POGZ: variants seen among roughly 807,000 people sequenced by gnomAD.
POGZ encodes the protein pogo transposable element with ZNF domain.
In POGZ, 17 loss-of-function variants were observed where a neutral mutation model predicts 134.6. That is an observed-to-expected ratio of 0.13 (90% CI 0.09 to 0.19). The LOEUF (loss-of-function observed/expected upper bound fraction) is 0.19. POGZ is among the 10% of genes least tolerant of loss of function. The probability of loss-of-function intolerance (pLI) is 1.00; values close to 1 mark genes in which losing one functional copy is unlikely to be tolerated. For synonymous variants in POGZ, 693 were observed against 657.1 expected (o/e 1.05, Z -0.84); for missense variants, 1,306 against 1,769.7 (o/e 0.74, Z 4.70).
intron 10 of POGZ, among the ~76,000 whole-genome samples, chr1:151,423,087 A>G (rs1371439511): frequency 2.0e-5 from 3 of 152,224 alleles, no homozygotes; most frequent in Non-Finnish European, 4.4e-5. Context: ...GAGCAAATAG[A>G]TGACTGTTCC....
chr1:151,452,641 G>A (rs574318969), intron 1 of POGZ, among the ~76,000 whole-genome samples: 2 of 151,996 alleles, frequency 1.3e-5, no homozygotes, highest in African/African-American at 4.8e-5. Flanking sequence ...CAATGCAGGC[G>A]GATCACAAGG....
At position 151,404,998 on chromosome 1, in the gene POGZ, T is replaced by C; in HGVS notation, c.4037A>G (p.Gln1346Arg). 1 of 1,614,188 alleles carries C rather than the reference T, an allele frequency of 6.2e-7. No individual in the cohort carries two copies. The change falls in exon 19 of 19, where the codon CAG becomes CGG. Residue 1346 changes from glutamine (Q) to arginine (R), a missense_variant. Transcript: ENST00000271715. ...CTCTAGGGAGGCAATTAGCTCCTCC[T>C]GCATGTCAGCATTTCTTGTAGGTGA... ...INSPTRNADM[Q>R]EELIASLEEQ...
chr1:151,442,443 C>T (rs1660679800), intron 1 of POGZ: 1 of 334,912 alleles, frequency 3.0e-6, no homozygotes, highest in Non-Finnish European at 5.4e-6. Flanking sequence ...GGCATGGTGG[C>T]TCCCACCTGT....
At chr1:151,421,246 T>C (rs976615596) in intron 10 of POGZ, among the ~76,000 whole-genome samples, 4 of 152,026 alleles carry the variant, frequency 2.6e-5, no homozygotes, top group Admixed American at 6.6e-5. Flanking sequence ...TCATGAAGCT[T>C]GCATATTTCT....
At chr1:151,449,079 CAAG>C (rs1272857584) in intron 1 of POGZ, among the ~76,000 whole-genome samples, 1 of 152,150 alleles carries the variant, frequency 6.6e-6, no homozygotes, top group Non-Finnish European at 1.5e-5. Context: ...ACTTTCAAAA[CAAG>C]AGCTCATTTC....
intron 1 of POGZ, among the ~76,000 whole-genome samples, chr1:151,452,416 T>C (rs947628045): frequency 6.6e-6 from 1 of 151,524 alleles, no homozygotes; most frequent in African/African-American, 2.4e-5. Flanking sequence ...AGTGGCACAA[T>C]CACGGCTTAT....
chr1:151,423,359 G>C, intron 10 of POGZ, 38 bp downstream of exon 10: 31 of 1,575,402 alleles, frequency 2.0e-5, no homozygotes, highest in Non-Finnish European at 2.6e-5. Flanking sequence ...TGAACAGCAA[G>C]GTATATTCCC....
intron 1 of POGZ, chr1:151,454,826 T>C (rs1190877758): frequency 6.6e-6 from 1 of 152,254 alleles, no homozygotes; most frequent in African/African-American, 2.4e-5. Flanking sequence ...AATACGTTTT[T>C]CAGTTGGGCG....
At chr1:151,448,499 A>C (rs531949378) in intron 1 of POGZ, among the ~76,000 whole-genome samples, 2 of 152,284 alleles carry the variant, frequency 1.3e-5, no homozygotes, top group African/African-American at 4.8e-5. Context: ...GAAAAATATA[A>C]TCAAACAATC....
chr1:151,436,637 C>T (rs998776606), intron 3 of POGZ, among the ~76,000 whole-genome samples: 36 of 152,050 alleles, frequency 2.4e-4, no homozygotes, highest in African/African-American at 8.0e-4. Context: ...TCTTTCTCAG[C>T]ATTATGTTTT....
rs144619106 is a variant in POGZ at position 151,444,066 on chromosome 1, A to C, written c.-1-1861T>G. On this transcript the variant is annotated intron_variant, in intron 1 of 18. Transcript: ENST00000271715. ...ATTGTTTCGCTTGAAAATTGAAAAC[A>C]ATCTTGCAGTGCCCCAGTGAGTCAG... Among the ~76,000 whole-genome samples, 51 of 152,324 alleles carry C rather than the reference A, an allele frequency of 3.3e-4. 1 individual carries two copies. The East Asian group carries it at 9.6e-3, about 29-fold the overall frequency.
At chr1:151,445,514 C>G (rs1049458192) in intron 1 of POGZ, among the ~76,000 whole-genome samples, 1 of 133,968 alleles carries the variant, frequency 7.5e-6, no homozygotes, top group African/African-American at 2.9e-5. Context: ...AGAAGCCAGA[C>G]TCTGTCTCAA....
intron 18 of POGZ, 67 bp downstream of exon 18, chr1:151,406,540 A>C (rs1231177563): frequency 6.5e-7 from 1 of 1,536,358 alleles, no homozygotes; most frequent in African/African-American, 1.4e-5. Context: ...TATGATAATA[A>C]TAATAATAAT....
At chr1:151,415,935 C>T (rs964998813) in intron 10 of POGZ, among the ~76,000 whole-genome samples, 2 of 151,872 alleles carry the variant, frequency 1.3e-5, no homozygotes, top group South Asian at 2.1e-4. Flanking sequence ...GAATCAGGGC[C>T]GGGTGCACTG....
intron 10 of POGZ, among the ~76,000 whole-genome samples, chr1:151,422,596 CTT>C (rs950972860): frequency 6.8e-6 from 1 of 147,502 alleles, no homozygotes. Context: ...ATAATATTAT[CTT>C]TTTTTTTTTG....
chr1:151,414,775 T>G (rs1172332462), intron 10 of POGZ, among the ~76,000 whole-genome samples: 1 of 151,462 alleles, frequency 6.6e-6, no homozygotes, highest in African/African-American at 2.4e-5. Flanking sequence ...AGAGCGAAAC[T>G]CCCTCAAAAA....
At position 151,404,484 on chromosome 1, in the gene POGZ, CT is replaced by C. The variant is rs1557860834; in HGVS notation, c.*317del. On this transcript the variant is annotated 3_prime_UTR_variant, in exon 19 of 19. Transcript: ENST00000271715. ...CATTTGCCCACAAATAATTTTTTTT[CT>C]TTTTCTTAATTTTGTCAGAAAAATA... 3 of 1,030,966 alleles carry C rather than the reference CT, an allele frequency of 2.9e-6. No individual in the cohort carries two copies. The highest frequency in any genetic ancestry group is 3.5e-6 in the Non-Finnish European group (3 of 858,626). The allele number at this position is 1,030,966 out of a possible 1,614,324, so 63.9% of individuals were successfully genotyped here.
At chr1:151,437,129 G>A (rs971795310) in intron 3 of POGZ, among the ~76,000 whole-genome samples, 1 of 152,068 alleles carries the variant, frequency 6.6e-6, no homozygotes, top group Non-Finnish European at 1.5e-5. Flanking sequence ...GGGAGGCAGA[G>A]GCTGCAGTGA....
intron 10 of POGZ, among the ~76,000 whole-genome samples, 173 bp downstream of exon 10, chr1:151,423,224 G>A (rs887380269): frequency 6.6e-6 from 1 of 151,856 alleles, no homozygotes; most frequent in African/African-American, 2.4e-5. Context: ...ATAAAAGTCA[G>A]GCTTGTAAAA....
Sources: allele counts gnomAD v4.1 joint callset (sites outside exome capture counted in the v4.1 genomes callset), GRCh38; gene constraint gnomAD v4.1.1; transcripts MANE v1.5; gene names NCBI Gene and HGNC (gene_info 2026-07-23, HGNC 2026-07-21).